The following HHAT variants were observed in gnomAD, a reference collection of about 807,000 sequenced individuals.
HHAT encodes hedgehog acyltransferase.
HHAT carries 47 observed loss-of-function variants against 70.8 expected under a neutral mutation model. That is an observed-to-expected ratio of 0.66 (90% CI 0.53 to 0.85). HHAT has a LOEUF of 0.85. HHAT is among the 40% of genes least tolerant of loss of function. HHAT has a pLI of 0.00. For missense variants in HHAT, 609 were observed against 604.8 expected, an observed-to-expected ratio of 1.01 and a Z score of -0.07; for synonymous variants, 228 against 247.6, an observed-to-expected ratio of 0.92 and a Z score of 0.74.
chr1:210,557,888 G>C (rs2095586964), intron 9 of HHAT, among the ~76,000 whole-genome samples: 1 of 152,150 alleles, frequency 6.6e-6, no homozygotes, highest in Non-Finnish European at 1.5e-5. Flanking sequence ...TGGTTATGTG[G>C]GTGGCCAGGA....
chr1:210,552,535 A>G (rs1030137984), intron 9 of HHAT, among the ~76,000 whole-genome samples: 10 of 152,154 alleles, frequency 6.6e-5, no homozygotes, highest in Admixed American at 5.9e-4. Context: ...GCAAGGGGAA[A>G]ATTGGACTGC....
chr1:210,592,955 G>A (rs1380967731), intron 10 of HHAT, among the ~76,000 whole-genome samples: 1 of 149,890 alleles, frequency 6.7e-6, no homozygotes, highest in Non-Finnish European at 1.5e-5. Context: ...ATGTATACAT[G>A]TGCCATGTTG....
intron 9 of HHAT, among the ~76,000 whole-genome samples, chr1:210,552,284 A>G (rs2095533861): frequency 6.6e-6 from 1 of 152,170 alleles, no homozygotes. Flanking sequence ...GCTCTGGGAG[A>G]AAGCTTGCAT....
At chr1:210,498,775 T>C (rs201183977) in intron 8 of HHAT, among the ~76,000 whole-genome samples, 5 of 20,908 alleles carry the variant, frequency 2.4e-4, no homozygotes, top group African/African-American at 7.3e-4. Flanking sequence ...TTTTTTTTTC[T>C]TTTTTTTTTT....
chr1:210,656,999 G>T (rs890157977), intron 11 of HHAT, among the ~76,000 whole-genome samples: 47 of 152,198 alleles, frequency 3.1e-4, no homozygotes, highest in Non-Finnish European at 5.9e-5. Context: ...CCTAGGAGAT[G>T]AGATGCCTTT....
chr1:210,391,744 A>G (rs1438379653), intron 4 of HHAT, among the ~76,000 whole-genome samples: 4 of 152,240 alleles, frequency 2.6e-5, no homozygotes, highest in Non-Finnish European at 5.9e-5. Flanking sequence ...ATCCCCTGAT[A>G]TCAGTGTTAG....
At chr1:210,395,226 C>A (rs776885779) in intron 4 of HHAT, among the ~76,000 whole-genome samples, 10 of 152,140 alleles carry the variant, frequency 6.6e-5, no homozygotes, top group Non-Finnish European at 1.5e-4. Flanking sequence ...TTCACTCCTC[C>A]CTACAGAGGT....
At chr1:210,357,105 G>A (rs1378604629) in intron 2 of HHAT, among the ~76,000 whole-genome samples, 1 of 152,202 alleles carries the variant, frequency 6.6e-6, no homozygotes, top group African/African-American at 2.4e-5. Flanking sequence ...GTTATCTATG[G>A]CCAGGGTCTT....
At chr1:210,395,170 C>T (rs777945322) in intron 4 of HHAT, among the ~76,000 whole-genome samples, 6 of 152,078 alleles carry the variant, frequency 3.9e-5, no homozygotes, top group African/African-American at 9.7e-5. Context: ...TAGGCAGGGA[C>T]GTCTGATAAT....
intron 9 of HHAT, among the ~76,000 whole-genome samples, chr1:210,570,772 G>A (rs1340091643): frequency 1.3e-5 from 2 of 152,174 alleles, no homozygotes. Flanking sequence ...AGTCACTTAA[G>A]GCAGTGCTGT....
chr1:210,526,367 GT>G (rs5780585), intron 9 of HHAT, among the ~76,000 whole-genome samples: 80,939 of 142,378 alleles, frequency 0.57, 23,782 homozygotes, highest in African/African-American at 0.64. Context: ...AGTGGGTTCT[GT>G]TTTTTTTTTT....
chr1:210,425,381 A>C (rs1305871034), intron 7 of HHAT, among the ~76,000 whole-genome samples: 1 of 152,148 alleles, frequency 6.6e-6, no homozygotes, highest in Non-Finnish European at 1.5e-5. Flanking sequence ...TTTTGTTGCA[A>C]TTGCTTTTGT....
chr1:210,625,603 G>A (rs1669692070), intron 11 of HHAT, among the ~76,000 whole-genome samples: 1 of 152,198 alleles, frequency 6.6e-6, no homozygotes, highest in South Asian at 2.1e-4. Flanking sequence ...GGTGGCATTT[G>A]AATTGAAGTA....
At chr1:210,607,551 G>T (rs1307970778) in intron 10 of HHAT, among the ~76,000 whole-genome samples, 1 of 152,124 alleles carries the variant, frequency 6.6e-6, no homozygotes, top group East Asian at 1.9e-4. Flanking sequence ...TTATTCAGTA[G>T]TCCCAAGGGA....
rs902547428 is a variant in HHAT at position 210,570,564 on chromosome 1, G to A, written c.1044-17334G>A. Among the ~76,000 whole-genome samples the A allele has an allele frequency of 6.6e-5, 10 of 152,272 alleles. No individual in the cohort carries two copies. In the East Asian group the frequency reaches 1.9e-3, roughly 29 times the overall value. On this transcript the variant is annotated intron_variant, in intron 9 of 11. Coordinates refer to ENST00000261458, the MANE Select transcript of HHAT (RefSeq NM_018194.6). ...GGCTGGTGCTACTGAGGAAGACAGCGAGCCACAGACCCACCACCCAGGAGT... is the reference window on the plus strand; with the variant it reads ...GGCTGGTGCTACTGAGGAAGACAGCAAGCCACAGACCCACCACCCAGGAGT...
chr1:210,607,999 G>A (rs1396581666), intron 10 of HHAT, among the ~76,000 whole-genome samples: 1 of 152,174 alleles, frequency 6.6e-6, no homozygotes, highest in East Asian at 1.9e-4. Context: ...GATATGTTGT[G>A]AAGATGATCC....
chr1:210,596,026 G>A (rs1180721135), intron 10 of HHAT, among the ~76,000 whole-genome samples: 1 of 152,166 alleles, frequency 6.6e-6, no homozygotes, highest in Admixed American at 6.5e-5. Context: ...TGGTGTTTTA[G>A]ACATGAAGTC....
chr1:210,417,179 A>C (rs2092747171), intron 6 of HHAT, among the ~76,000 whole-genome samples: 1 of 152,214 alleles, frequency 6.6e-6, no homozygotes, highest in Non-Finnish European at 1.5e-5. Flanking sequence ...GAGTTTATGG[A>C]GTGAAACTCA....
At chr1:210,387,693 A>G (rs1441826260) in intron 4 of HHAT, 112 bp downstream of exon 4, 1 of 726,538 alleles carries the variant, frequency 1.4e-6, no homozygotes, top group African/African-American at 1.8e-5. Context: ...GGAGCCTGGA[A>G]AAAATGATAA....
Sources: allele counts gnomAD v4.1 joint callset (sites outside exome capture counted in the v4.1 genomes callset), GRCh38; gene constraint gnomAD v4.1.1; transcripts MANE v1.5; gene names NCBI Gene and HGNC (gene_info 2026-07-23, HGNC 2026-07-21).